Variants in MET observed in about 807,000 individuals in gnomAD.
The protein encoded by MET is hepatocyte growth factor receptor.
A neutral mutation model predicts 133.1 loss-of-function variants in MET; 48 were observed. The observed-to-expected ratio is 0.36, with a 90% confidence interval of 0.29 to 0.46. The LOEUF (loss-of-function observed/expected upper bound fraction) is 0.46. MET is among the 20% of genes least tolerant of loss of function. The pLI is 1.00. For synonymous variants in MET, 628 were observed against 616.5 expected (o/e 1.02, Z -0.28); for missense variants, 1,442 against 1,695.9 (o/e 0.85, Z 2.63).
chr7:116,741,601 G>C (rs141552422), intron 5 of MET, among the ~76,000 whole-genome samples: 8 of 152,300 alleles, frequency 5.3e-5, no homozygotes, highest in African/African-American at 1.9e-4. Flanking sequence ...GTTCACAGAT[G>C]AGACTGAAGA....
intron 9 of MET, 139 bp from the exon 10 acceptor site, chr7:116,759,252 G>C (rs1794304127): frequency 1.4e-5 from 18 of 1,278,768 alleles, no homozygotes; most frequent in Non-Finnish European, 1.8e-5. Flanking sequence ...CCAAAGAACA[G>C]TTACCCATGA....
intron 11 of MET, among the ~76,000 whole-genome samples, chr7:116,767,783 A>T (rs1307976629): frequency 6.6e-6 from 1 of 150,548 alleles, no homozygotes; most frequent in African/African-American, 2.4e-5. Context: ...TAATAGTAAA[A>T]TTTCTAAATA....
At position 116,775,058 on chromosome 7, in the gene MET, T is replaced by C. The variant is rs1794953455; in HGVS notation, c.3206T>C (p.Val1069Ala). The stretch of plus-strand genomic sequence containing the variant: ...GAGCTGGTCCAGGCAGTGCAGCATG[T>C]AGTGATTGGGCCCAGTAGCCTGATT... ...NPELVQAVQH[V>A]VIGPSSLIVH... The change falls in exon 15 of 21, where the codon GTA becomes GCA. Residue 1069 changes from valine to alanine, a missense_variant. Transcript: ENST00000397752. 6.2e-7 allele frequency: 1 copy of C among 1,614,212 alleles called. No homozygotes were observed. The highest frequency in any genetic ancestry group is 8.5e-7 in the Non-Finnish European group (1 of 1,180,016).
chr7:116,729,282 A>T (rs1390596457), intron 2 of MET, among the ~76,000 whole-genome samples: 1 of 152,230 alleles, frequency 6.6e-6, no homozygotes, highest in East Asian at 1.9e-4. Context: ...TAATTACAAG[A>T]GTCAGTGGGT....
At chr7:116,684,642 A>G (rs1796481964) in intron 1 of MET, among the ~76,000 whole-genome samples, 2 of 152,184 alleles carry the variant, frequency 1.3e-5, no homozygotes, top group South Asian at 4.1e-4. Flanking sequence ...AGAGGGATCC[A>G]CATGTGCTGA....
At chr7:116,685,454 G>A (rs2116502273) in intron 1 of MET, among the ~76,000 whole-genome samples, 1 of 152,244 alleles carries the variant, frequency 6.6e-6, no homozygotes, top group Middle Eastern at 3.4e-3. Flanking sequence ...GAGGCGGGTG[G>A]ATAGTGAGGC....
chr7:116,730,907 T>C (rs1280404179), intron 2 of MET, among the ~76,000 whole-genome samples: 7 of 152,136 alleles, frequency 4.6e-5, no homozygotes, highest in Non-Finnish European at 7.4e-5. Flanking sequence ...TTTGTTTTTA[T>C]TGCGTGGGAG....
At chr7:116,746,063 A>T (rs941008420) in intron 5 of MET, among the ~76,000 whole-genome samples, 5 of 152,206 alleles carry the variant, frequency 3.3e-5, no homozygotes, top group Admixed American at 6.5e-5. Context: ...GAATCTACAA[A>T]GAACTCAAAC....
chr7:116,725,378 G>C (rs1333602835), intron 2 of MET, among the ~76,000 whole-genome samples: 1 of 151,730 alleles, frequency 6.6e-6, no homozygotes, highest in Non-Finnish European at 1.5e-5. Context: ...TCAAGAAGTT[G>C]GGGTGGGGAA....
chr7:116,703,896 G>T (rs962958150), intron 2 of MET, among the ~76,000 whole-genome samples: 1 of 152,014 alleles, frequency 6.6e-6, no homozygotes. Flanking sequence ...AATAGCTCTC[G>T]CCTCTCAGAA....
chr7:116,722,885 C>A (rs1165148403), intron 2 of MET, among the ~76,000 whole-genome samples: 1 of 148,966 alleles, frequency 6.7e-6, no homozygotes, highest in Non-Finnish European at 1.5e-5. Flanking sequence ...TTGAGGGTAA[C>A]CCGACCTTTC....
intron 1 of MET, among the ~76,000 whole-genome samples, chr7:116,672,953 G>T (rs574393486): frequency 7.9e-5 from 12 of 152,222 alleles, no homozygotes; most frequent in Admixed American, 7.2e-4. Context: ...GAGCCGAGCT[G>T]TTTCCTTGTT....
intron 5 of MET, among the ~76,000 whole-genome samples, chr7:116,749,518 AG>A (rs1268316680): frequency 6.6e-6 from 1 of 152,242 alleles, no homozygotes; most frequent in Non-Finnish European, 1.5e-5. Flanking sequence ...AATGGGCAAA[AG>A]CTGGAAGCAT....
intron 5 of MET, among the ~76,000 whole-genome samples, chr7:116,749,558 A>G (rs1793835313): frequency 1.3e-5 from 2 of 152,196 alleles, no homozygotes; most frequent in South Asian, 4.1e-4. Context: ...CAAGACAAGG[A>G]TGCCCTCTCT....
At position 116,745,396 on chromosome 7, in the gene MET, C is replaced by A. The variant is rs560996074; in HGVS notation, c.1701+4371C>A. 1.7e-3 allele frequency among the ~76,000 whole-genome samples: 259 copies of A among 152,286 alleles called. 2 individuals are homozygous for A. Among genetic ancestry groups the A allele is most frequent in the African/African-American group, 5.9e-3 (246 of 41,554 alleles). ...TTCAATGCCATCCCCATCAAGCTAC[C>A]AATGACTTTCTTCACAGAATTGGAA... On this transcript the variant is annotated intron_variant, in intron 5 of 20. Coordinates refer to ENST00000397752, the MANE Select transcript of MET (RefSeq NM_000245.4).
rs2116604369 is a variant in MET, at chr7:116,700,138, G to C, written c.1054G>C (p.Asp352His). The C allele has an allele frequency of 6.3e-7, 1 of 1,599,198 alleles. No homozygotes were observed. The highest frequency in any genetic ancestry group is 8.5e-7 in the Non-Finnish European group (1 of 1,173,172). ...LFGVFAQSKP[D>H]SAEPMDRSAM... ...CGGGGTGTTCGCACAAAGCAAGCCA[G>C]ATTCTGCCGAACCAATGGATCGATC... Residue 352 changes from aspartate (D) to histidine (H), a missense_variant, in exon 2 of 21, where the codon GAT becomes CAT. Physicochemically the swap from Asp to His is moderately conservative, Grantham distance 81. Around this residue, in one of 6 missense-constraint regions of MET, gnomAD observed 762 missense variants for 792.4 expected, o/e 0.96. Coordinates refer to ENST00000397752, the MANE Select transcript of MET (RefSeq NM_000245.4).
In MET at chr7:116,758,638, A is replaced by G. The variant is rs1449726871; in HGVS notation, c.2264+18A>G. 4 of 1,610,442 alleles carry G rather than the reference A, an allele frequency of 2.5e-6. No homozygotes were observed. The highest frequency in any genetic ancestry group is 3.4e-6 in the Non-Finnish European group (4 of 1,177,090). ...TTTATTAGGTAAGTAGAAGCTTCTG[A>G]TGGGTATAAGAAAACAATGAATACA... is the stretch of plus-strand genomic sequence containing the variant. On this transcript the variant is annotated intron_variant, in intron 9 of 20. Coordinates refer to ENST00000397752, the MANE Select transcript of MET (RefSeq NM_000245.4).
chr7:116,731,812 G>A lies in MET; in HGVS notation c.1345G>A (p.Asp449Asn), dbSNP rs200819547. The A allele has an allele frequency of 6.2e-7, 1 of 1,614,130 alleles. No individual in the cohort carries two copies. The highest frequency in any genetic ancestry group is 1.1e-5 in the South Asian group (1 of 91,076). ...LTSISTFIKG[D>N]LTIANLGTSE... ...ATCTATATCCACCTTCATTAAAGGAGACCTCACCATAGCTAATCTTGGGAC... is the reference window on the plus strand; with the variant it reads ...ATCTATATCCACCTTCATTAAAGGAAACCTCACCATAGCTAATCTTGGGAC... Residue 449 changes from aspartate (D) to asparagine (N), a missense_variant, in exon 3 of 21, where the codon GAC becomes AAC. By Grantham distance (23) the Asp-to-Asn change is conservative. This residue lies in a region of MET where 762 missense variants were observed against 792.4 expected (regional missense o/e 0.96). Coordinates refer to ENST00000397752, the MANE Select transcript of MET (RefSeq NM_000245.4).
chr7:116,782,891 T>A (rs994657746), intron 18 of MET, among the ~76,000 whole-genome samples: 1 of 152,220 alleles, frequency 6.6e-6, no homozygotes, highest in Non-Finnish European at 1.5e-5. Flanking sequence ...AAGTAAAGTA[T>A]CAGTCCCCTG....
Sources: allele counts gnomAD v4.1 joint callset (sites outside exome capture counted in the v4.1 genomes callset), GRCh38; gene constraint gnomAD v4.1.1; regional missense constraint gnomAD v4.1.1; transcripts MANE v1.5; gene names NCBI Gene and HGNC (gene_info 2026-07-23, HGNC 2026-07-21).